Variants in RNF150 observed in about 807,000 individuals in gnomAD.
The protein encoded by RNF150 is ring finger protein 150.
RNF150 carries 24 observed loss-of-function variants against 39.3 expected under a neutral mutation model. The observed-to-expected ratio is 0.61, with a 90% CI of 0.44 to 0.86. RNF150 has a LOEUF of 0.86. Among genes scored for constraint, RNF150 ranks in the 40% least tolerant of loss-of-function variants. The pLI is 0.00. For missense variants in RNF150, 502 were observed against 587.8 expected (o/e 0.85, Z 1.51); for synonymous variants, 255 against 227.3 (o/e 1.12, Z -1.10).
intron 1 of RNF150, among the ~76,000 whole-genome samples, chr4:141,023,145 T>C (rs868256569): frequency 2.0e-5 from 3 of 152,218 alleles, no homozygotes; most frequent in African/African-American, 4.8e-5. Flanking sequence ...CAATGCACTC[T>C]AGCACTGACC....
intron 1 of RNF150, among the ~76,000 whole-genome samples, chr4:141,100,118 T>C (rs1323884716): frequency 6.6e-6 from 1 of 152,184 alleles, no homozygotes. Flanking sequence ...AAAATCAACA[T>C]AATCTAGACC....
intron 6 of RNF150, among the ~76,000 whole-genome samples, chr4:140,880,541 T>C (rs1170747567): frequency 1.3e-5 from 2 of 151,514 alleles, no homozygotes; most frequent in African/African-American, 4.8e-5. Context: ...TCCCCTCCTC[T>C]CCAGTCTTTT....
Position 140,861,531 on chromosome 4 carries a change from C to G in RNF150, c.*6730G>C, listed in dbSNP as rs1036717894. The G allele has an allele frequency of 6.6e-6, 1 of 152,138 alleles. No homozygotes were observed. Among genetic ancestry groups the G allele is most frequent in the African/African-American group, 2.4e-5 (1 of 41,440 alleles). The allele number at this position is 152,138 out of a possible 1,614,324, so 9.4% of individuals were successfully genotyped here. On this transcript the variant is annotated 3_prime_UTR_variant, in exon 7 of 7. Transcript: ENST00000515673. ...AATTAATCTGCTGCAAGAATAATTG[C>G]GATTACTCCAGCAGAGGGCACTCTG...
At chr4:140,920,275 C>T (rs1365905441) in intron 5 of RNF150, among the ~76,000 whole-genome samples, 5 of 145,736 alleles carry the variant, frequency 3.4e-5, no homozygotes, top group South Asian at 2.4e-4. Flanking sequence ...AGAAAATTTT[C>T]GCAACCTACT....
chr4:141,079,098 A>T (rs1738050315), intron 1 of RNF150, among the ~76,000 whole-genome samples: 1 of 152,096 alleles, frequency 6.6e-6, no homozygotes, highest in African/African-American at 2.4e-5. Flanking sequence ...CCAAGTTCTA[A>T]TGAAGACAAT....
chr4:141,152,066 A>G (rs1473395595), intron 1 of RNF150, among the ~76,000 whole-genome samples: 1 of 152,250 alleles, frequency 6.6e-6, no homozygotes, highest in Non-Finnish European at 1.5e-5. Context: ...ATCAATTTTA[A>G]CAATGGCTTT....
intron 1 of RNF150, among the ~76,000 whole-genome samples, chr4:141,100,432 C>T (rs1738964880): frequency 6.6e-6 from 1 of 152,090 alleles, no homozygotes; most frequent in Admixed American, 6.5e-5. Context: ...GACAGTAAAC[C>T]CAAACACTGC....
chr4:140,889,043 T>G (rs911292044), intron 6 of RNF150, among the ~76,000 whole-genome samples: 20 of 137,414 alleles, frequency 1.5e-4, no homozygotes, highest in African/African-American at 4.5e-4. Flanking sequence ...AAACAGTTTG[T>G]TTTTTTTTTT....
chr4:141,035,341 C>T (rs138687399), intron 1 of RNF150, among the ~76,000 whole-genome samples: 1 of 152,166 alleles, frequency 6.6e-6, no homozygotes, highest in Non-Finnish European at 1.5e-5. Context: ...TTTCTGCTGG[C>T]GCTACCGGAT....
chr4:141,048,250 G>C (rs1158480283), intron 1 of RNF150, among the ~76,000 whole-genome samples: 1 of 152,240 alleles, frequency 6.6e-6, no homozygotes, highest in Non-Finnish European at 1.5e-5. Flanking sequence ...AGAAGTACAG[G>C]ATGATTCGCA....
At chr4:141,057,558 TCC>T (rs1466999408) in intron 1 of RNF150, among the ~76,000 whole-genome samples, 2 of 152,012 alleles carry the variant, frequency 1.3e-5, no homozygotes, top group Non-Finnish European at 2.9e-5. Flanking sequence ...AACCTTCCCC[TCC>T]GAGTCCCCAA....
intron 1 of RNF150, among the ~76,000 whole-genome samples, chr4:140,994,502 C>A (rs141553156): frequency 6.6e-6 from 1 of 152,186 alleles, no homozygotes; most frequent in Non-Finnish European, 1.5e-5. Flanking sequence ...ACACACACCA[C>A]TGCCTATTTA....
At chr4:140,937,205 T>C (rs1267463531) in intron 4 of RNF150, among the ~76,000 whole-genome samples, 3 of 152,198 alleles carry the variant, frequency 2.0e-5, no homozygotes, top group African/African-American at 7.2e-5. Flanking sequence ...TGGAGGGTAG[T>C]TAAATAAACT....
At chr4:141,207,791 T>C (rs79883387) in intron 1 of RNF150, among the ~76,000 whole-genome samples, 2,589 of 152,310 alleles carry the variant, frequency 0.017, 77 homozygotes, top group African/African-American at 0.059. Flanking sequence ...ATATGGATTC[T>C]AATCAGAAGT....
At chr4:140,949,449 C>T (rs752803731) in intron 2 of RNF150, 77 bp from the exon 3 acceptor site, 14 of 1,216,098 alleles carry the variant, frequency 1.2e-5, no homozygotes, top group Non-Finnish European at 1.5e-5. Context: ...TTTAATACAC[C>T]AGGGCAGCTA....
chr4:141,090,816 T>G (rs7662685), intron 1 of RNF150, among the ~76,000 whole-genome samples: 19,136 of 152,228 alleles, frequency 0.13, 1,706 homozygotes, highest in East Asian at 0.44. Context: ...GTTTTGTTTT[T>G]TTTTCCAGAG....
At chr4:140,875,722 T>C (rs1293670269) in intron 6 of RNF150, among the ~76,000 whole-genome samples, 1 of 142,780 alleles carries the variant, frequency 7.0e-6, no homozygotes, top group Admixed American at 6.8e-5. Flanking sequence ...TTTGTTTGTG[T>C]TTTTTTTTAA....
chr4:140,874,873 T>G (rs1190737141), intron 6 of RNF150, among the ~76,000 whole-genome samples: 2 of 152,224 alleles, frequency 1.3e-5, no homozygotes, highest in Non-Finnish European at 2.9e-5. Flanking sequence ...CTATGTTGAC[T>G]GGGCTGGTCT....
intron 2 of RNF150, among the ~76,000 whole-genome samples, chr4:140,960,106 T>C (rs183695123): frequency 1.6e-3 from 244 of 151,820 alleles, no homozygotes; most frequent in Admixed American, 4.5e-3. Flanking sequence ...AAATCCAAAT[T>C]CTTGATACTC....
Sources: allele counts gnomAD v4.1 joint callset (sites outside exome capture counted in the v4.1 genomes callset), GRCh38; gene constraint gnomAD v4.1.1; transcripts MANE v1.5; gene names NCBI Gene and HGNC (gene_info 2026-07-23, HGNC 2026-07-21).